PUM1: variants seen among roughly 807,000 people sequenced by gnomAD.
The protein encoded by PUM1 is pumilio RNA binding family member 1, also known as pumilio homolog 1.
In PUM1, 13 loss-of-function variants were observed where a neutral mutation model predicts 131.8. That is an observed-to-expected ratio of 0.10 (90% CI 0.06 to 0.16). The LOEUF is 0.16. Ranked by LOEUF, PUM1 falls within the 10% of genes least tolerant of loss-of-function variation. The pLI is 1.00. For missense variants in PUM1, 961 were observed against 1,512.4 expected (o/e 0.64, Z 6.05); for synonymous variants, 509 against 556.5 (o/e 0.91, Z 1.20).
intron 20 of PUM1, among the ~76,000 whole-genome samples, chr1:30,940,297 G>GAA (rs1178416818): frequency 6.6e-6 from 1 of 152,098 alleles, no homozygotes; most frequent in African/African-American, 2.4e-5. Flanking sequence ...CCAATATGGT[G>GAA]AAACCCTGTC....
chr1:30,975,908 C>T (rs977891549), intron 9 of PUM1, among the ~76,000 whole-genome samples: 15 of 151,748 alleles, frequency 9.9e-5, no homozygotes, highest in African/African-American at 3.6e-4. Context: ...CATGGTGAAA[C>T]CCCATCTCTA....
intron 14 of PUM1, among the ~76,000 whole-genome samples, chr1:30,962,453 C>G (rs566677268): frequency 6.6e-6 from 1 of 152,294 alleles, no homozygotes; most frequent in African/African-American, 2.4e-5. Flanking sequence ...TACTCTGTTG[C>G]TCAGGCTGGA....
At chr1:30,986,041 G>A (rs1250481652) in intron 7 of PUM1, among the ~76,000 whole-genome samples, 4 of 152,074 alleles carry the variant, frequency 2.6e-5, no homozygotes, top group Admixed American at 1.3e-4. Flanking sequence ...TGCAACCTCC[G>A]CCTCCTGGGT....
In PUM1 at chr1:31,059,192, ACT is replaced by A; in HGVS notation, c.363+10_363+11del. The A allele has an allele frequency of 6.5e-7, 1 of 1,544,128 alleles. No homozygotes were observed. The highest frequency in any genetic ancestry group is 8.7e-7 in the Non-Finnish European group (1 of 1,144,984). ...AGGAATGTCAAAGCTAAAATAGTGA[ACT>A]TTTTTTTACCTGATGTTCTGCATGA... is the stretch of plus-strand genomic sequence containing the variant. On this transcript the variant is annotated intron_variant, in intron 2 of 21. Transcript: ENST00000426105.
Position 30,952,278 on chromosome 1 carries a change from T to C in PUM1, c.2677A>G (p.Met893Val). Reference sequence around the variant, plus strand: ...ACGTAATTACCAAACACATCCACCATGAGTTGGTAGGCAGCCTGGAGGATT... The same window carrying C: ...ACGTAATTACCAAACACATCCACCACGAGTTGGTAGGCAGCCTGGAGGATT... ...NEILQAAYQLMVDVFGNYVIQ... is the reference protein window; with the variant it reads ...NEILQAAYQLVVDVFGNYVIQ... Residue 893 changes from methionine to valine, a missense_variant, in exon 16 of 22, where the codon ATG becomes GTG. Around this residue, in one of 4 missense-constraint regions of PUM1, gnomAD observed 117 missense variants for 200.7 expected, o/e 0.58. Transcript: ENST00000426105. 1 of 1,613,898 alleles carries C rather than the reference T, an allele frequency of 6.2e-7. No homozygotes were observed. Among genetic ancestry groups the C allele is most frequent in the Non-Finnish European group, 8.5e-7 (1 of 1,179,826 alleles).
intron 2 of PUM1, among the ~76,000 whole-genome samples, chr1:31,033,130 G>C (rs1273989567): frequency 6.6e-6 from 1 of 151,980 alleles, no homozygotes; most frequent in Non-Finnish European, 1.5e-5. Context: ...CTAAATACAG[G>C]GCTAGGAAGA....
chr1:31,062,491 G>C (rs916190831), intron 1 of PUM1, among the ~76,000 whole-genome samples: 1 of 151,804 alleles, frequency 6.6e-6, no homozygotes, highest in African/African-American at 2.4e-5. Context: ...GTGGTGGCAC[G>C]CACCTGTAGT....
intron 1 of PUM1, among the ~76,000 whole-genome samples, chr1:31,065,356 C>G (rs968233155): frequency 6.6e-6 from 1 of 152,168 alleles, no homozygotes; most frequent in African/African-American, 2.4e-5. Context: ...ACGCCCTGGG[C>G]TCGGGCCTAA....
At chr1:31,034,810 A>T (rs1643549391) in intron 2 of PUM1, among the ~76,000 whole-genome samples, 1 of 152,140 alleles carries the variant, frequency 6.6e-6, no homozygotes, top group Non-Finnish European at 1.5e-5. Flanking sequence ...GATTTTTTGC[A>T]TACAGAAACC....
At chr1:31,052,543 T>C (rs1337171179) in intron 2 of PUM1, among the ~76,000 whole-genome samples, 5 of 151,950 alleles carry the variant, frequency 3.3e-5, no homozygotes, top group Admixed American at 1.3e-4. Flanking sequence ...TTTTTCCTTT[T>C]TATTGTAGAT....
chr1:31,001,899 C>G (rs952068934), intron 5 of PUM1, among the ~76,000 whole-genome samples: 1 of 152,180 alleles, frequency 6.6e-6, no homozygotes, highest in Non-Finnish European at 1.5e-5. Flanking sequence ...AATGTGCATA[C>G]AAATCATCTG....
At chr1:31,043,350 C>T (rs1010367465) in intron 2 of PUM1, among the ~76,000 whole-genome samples, 6 of 151,724 alleles carry the variant, frequency 4.0e-5, no homozygotes, top group Non-Finnish European at 7.4e-5. Flanking sequence ...TTATAGGCAC[C>T]CCCCCATCAT....
intron 2 of PUM1, among the ~76,000 whole-genome samples, chr1:31,052,482 G>A (rs534132936): frequency 1.3e-4 from 19 of 150,042 alleles, no homozygotes; most frequent in African/African-American, 4.4e-4. Flanking sequence ...GGGCTCAAGT[G>A]ATCCTCCCTT....
At chr1:30,977,375 T>C (rs1246854740) in intron 9 of PUM1, among the ~76,000 whole-genome samples, 3 of 152,174 alleles carry the variant, frequency 2.0e-5, no homozygotes, top group Non-Finnish European at 4.4e-5. Flanking sequence ...GGTTGCAACC[T>C]GCAATAATAG....
At chr1:30,955,802 A>C (rs955392849) in intron 14 of PUM1, among the ~76,000 whole-genome samples, 1 of 152,214 alleles carries the variant, frequency 6.6e-6, no homozygotes, top group African/African-American at 2.4e-5. Flanking sequence ...CCCAGCTTCA[A>C]AAGTCTGGGT....
chr1:30,945,310 A>C, intron 18 of PUM1, 36 bp downstream of exon 18: 1 of 1,608,300 alleles, frequency 6.2e-7, no homozygotes, highest in South Asian at 1.1e-5. Flanking sequence ...AAAGGAAATA[A>C]ATTTGTTTCC....
chr1:30,948,182 T>G (rs1021004263), intron 17 of PUM1, among the ~76,000 whole-genome samples: 2 of 152,038 alleles, frequency 1.3e-5, no homozygotes, highest in Non-Finnish European at 2.9e-5. Context: ...AATACAATTA[T>G]AGGAATGATG....
At chr1:31,012,461 T>G (rs1292174562) in intron 3 of PUM1, among the ~76,000 whole-genome samples, 1 of 151,326 alleles carries the variant, frequency 6.6e-6, no homozygotes, top group African/African-American at 2.4e-5. Context: ...CAATAGTGTG[T>G]GCTCTCAAAT....
At chr1:30,970,727 A>G (rs1640842040) in intron 10 of PUM1, among the ~76,000 whole-genome samples, 3 of 152,240 alleles carry the variant, frequency 2.0e-5, no homozygotes, top group Admixed American at 6.5e-5. Context: ...TACATACCCA[A>G]TAACTCAGAA....
Sources: gnomAD v4.1 joint callset for allele counts (sites outside exome capture counted in the v4.1 genomes callset) on GRCh38, gnomAD v4.1.1 for gene constraint, gnomAD v4.1.1 regional missense constraint, MANE v1.5 for transcripts, NCBI Gene and HGNC (gene_info 2026-07-23, HGNC 2026-07-21) for gene names.